TBCK: variants seen among roughly 807,000 people sequenced by gnomAD.
TBCK encodes the protein TBC domain-containing protein kinase-like protein.
A neutral mutation model predicts 113.4 loss-of-function variants in TBCK; 99 were observed. The observed-to-expected ratio is 0.87, with a 90% CI of 0.74 to 1.03. The LOEUF (loss-of-function observed/expected upper bound fraction) is 1.03. TBCK is among the 50% of genes least tolerant of loss of function. The probability of loss-of-function intolerance (pLI) is 0.00; values close to 1 mark genes in which losing one functional copy is unlikely to be tolerated. For missense variants in TBCK, 1,045 were observed against 1,061.3 expected (o/e 0.98, Z 0.21); for synonymous variants, 369 against 370.8 (o/e 1.00, Z 0.05).
chr4:106,217,556 C>T (rs1757108771), intron 19 of TBCK, among the ~76,000 whole-genome samples: 2 of 152,010 alleles, frequency 1.3e-5, no homozygotes, highest in Non-Finnish European at 2.9e-5. Context: ...AAATCACAAG[C>T]ATTCCTATAC....
intron 25 of TBCK, among the ~76,000 whole-genome samples, chr4:106,081,670 A>G (rs1030948345): frequency 6.6e-6 from 1 of 152,196 alleles, no homozygotes; most frequent in Admixed American, 6.5e-5. Flanking sequence ...CTGGAACTTA[A>G]TCTACAGAAT....
chr4:106,081,845 T>A (rs1395569814), intron 25 of TBCK, among the ~76,000 whole-genome samples: 1 of 152,090 alleles, frequency 6.6e-6, no homozygotes, highest in African/African-American at 2.4e-5. Context: ...AACAAATATA[T>A]GAAAAAATGC....
intron 19 of TBCK, among the ~76,000 whole-genome samples, chr4:106,220,042 G>A (rs966044444): frequency 6.6e-6 from 1 of 152,156 alleles, no homozygotes; most frequent in Non-Finnish European, 1.5e-5. Context: ...CAGTCCATCA[G>A]TACAAGTAGT....
chr4:106,125,640 T>C (rs1353341144), intron 23 of TBCK, among the ~76,000 whole-genome samples: 1 of 152,106 alleles, frequency 6.6e-6, no homozygotes, highest in Non-Finnish European at 1.5e-5. Flanking sequence ...GACTCGTATG[T>C]GGAAACTAAA....
intron 25 of TBCK, among the ~76,000 whole-genome samples, chr4:106,073,522 G>A (rs767222657): frequency 6.6e-6 from 1 of 152,198 alleles, no homozygotes; most frequent in Non-Finnish European, 1.5e-5. Context: ...TGTATGAGGT[G>A]TCAGTCAGCC....
At chr4:106,271,748 T>C (rs1438791575) in intron 3 of TBCK, among the ~76,000 whole-genome samples, 2 of 137,786 alleles carry the variant, frequency 1.5e-5, no homozygotes, top group African/African-American at 2.7e-5. Context: ...CAAGACTTTG[T>C]CCCAAAAAAA....
intron 23 of TBCK, among the ~76,000 whole-genome samples, chr4:106,136,508 T>C (rs1435669537): frequency 7.1e-6 from 1 of 141,042 alleles, no homozygotes; most frequent in Non-Finnish European, 1.6e-5. Flanking sequence ...GGTTTTCAAG[T>C]ATAGTATTCT....
rs958886643 is a variant in TBCK at position 106,196,789 on chromosome 4, T to C, written c.1861-2035A>G. Among the ~76,000 whole-genome samples the C allele has an allele frequency of 6.6e-5, 10 of 152,138 alleles. No homozygotes were observed. The South Asian group carries it at 1.4e-3, about 22-fold the overall frequency. Reference sequence around the variant, plus strand: ...GTCAGCAAAATTAGTTTCATTGCTATTATTCAACATCTCTTTTAAAGACAC... The same window carrying C: ...GTCAGCAAAATTAGTTTCATTGCTACTATTCAACATCTCTTTTAAAGACAC... On this transcript the variant is annotated intron_variant, in intron 20 of 25. Coordinates refer to ENST00000394708, the MANE Select transcript of TBCK (RefSeq NM_001163435.3).
chr4:106,053,582 C>T (rs948948621), intron 25 of TBCK, among the ~76,000 whole-genome samples: 7 of 151,700 alleles, frequency 4.6e-5, no homozygotes, highest in African/African-American at 1.7e-4. Flanking sequence ...CTACATTCCT[C>T]CCCTAAATGA....
At chr4:106,250,534 G>T in intron 6 of TBCK, 56 bp from the exon 7 acceptor site, 1 of 998,446 alleles carries the variant, frequency 1.0e-6, no homozygotes, top group Non-Finnish European at 1.5e-6. Flanking sequence ...TTTCTAGGAA[G>T]GCATTTTTCT....
At chr4:106,089,312 CCATT>C (rs962763467) in intron 25 of TBCK, among the ~76,000 whole-genome samples, 9 of 152,136 alleles carry the variant, frequency 5.9e-5, no homozygotes, top group African/African-American at 2.2e-4. Flanking sequence ...GGGCACCAAA[CCATT>C]CATGAGCGAT....
chr4:106,115,018 A>G (rs573684025), intron 24 of TBCK, among the ~76,000 whole-genome samples: 3 of 152,334 alleles, frequency 2.0e-5, no homozygotes, highest in African/African-American at 7.2e-5. Context: ...AACTTTTCAC[A>G]AAATGATAAG....
chr4:106,240,089 C>T (rs531031599), intron 12 of TBCK, among the ~76,000 whole-genome samples: 25 of 151,920 alleles, frequency 1.6e-4, no homozygotes, highest in African/African-American at 5.5e-4. Context: ...TTGAAAAACC[C>T]CATCAACATA....
chr4:106,042,240 A>G lies in TBCK; in HGVS notation c.*4330T>C, dbSNP rs1371921327. 1 of 152,266 alleles carries G rather than the reference A, an allele frequency of 6.6e-6. No homozygotes were observed. The highest frequency in any genetic ancestry group is 2.4e-5 in the African/African-American group (1 of 41,476). The allele number at this position is 152,266 out of a possible 1,614,324, so 9.4% of individuals were successfully genotyped here. On this transcript the variant is annotated 3_prime_UTR_variant, in exon 26 of 26. Coordinates refer to ENST00000394708, the MANE Select transcript of TBCK (RefSeq NM_001163435.3). ...GCTATATTTTGGGTCAGCATGTATA[A>G]CAATGGGATTACTAGTTACAACTGA...
At chr4:106,172,619 C>T (rs1038586058) in intron 22 of TBCK, among the ~76,000 whole-genome samples, 2 of 151,822 alleles carry the variant, frequency 1.3e-5, no homozygotes, top group Non-Finnish European at 2.9e-5. Context: ...TTTTTTTCTC[C>T]CCCTCTTTTT....
chr4:106,157,665 G>C (rs539846788), intron 23 of TBCK, among the ~76,000 whole-genome samples: 24 of 152,208 alleles, frequency 1.6e-4, no homozygotes, highest in Admixed American at 9.8e-4. Context: ...TTCCTGCTGG[G>C]GGGTGGGCAA....
chr4:106,063,139 A>T (rs1030334993), intron 25 of TBCK, among the ~76,000 whole-genome samples: 5 of 151,978 alleles, frequency 3.3e-5, no homozygotes, highest in South Asian at 2.1e-4. Context: ...TAATATATAA[A>T]CTATTTTCTT....
chr4:106,279,119 C>T (rs1764322972), intron 3 of TBCK, among the ~76,000 whole-genome samples: 7 of 152,066 alleles, frequency 4.6e-5, no homozygotes, highest in Admixed American at 4.6e-4. Flanking sequence ...GACAATACCA[C>T]AAAATAAAAT....
intron 3 of TBCK, among the ~76,000 whole-genome samples, chr4:106,272,857 G>A (rs1056579695): frequency 2.0e-5 from 3 of 152,058 alleles, no homozygotes; most frequent in African/African-American, 4.8e-5. Context: ...TAGAATATAA[G>A]CAAAGCAAAC....
Sources: gnomAD v4.1 joint callset for allele counts (sites outside exome capture counted in the v4.1 genomes callset) on GRCh38, gnomAD v4.1.1 for gene constraint, MANE v1.5 for transcripts, NCBI Gene and HGNC (gene_info 2026-07-23, HGNC 2026-07-21) for gene names.